Variants in STPG2 observed in about 807,000 individuals in gnomAD.
STPG2 encodes sperm tail PG-rich repeat containing 2, also known as sperm-tail PG-rich repeat-containing protein 2.
In STPG2, 56 loss-of-function variants were observed where a neutral mutation model predicts 54.2. The ratio of observed to expected loss-of-function variants is 1.03; its 90% CI spans 0.83 to 1.29. STPG2 has a LOEUF of 1.29. Among genes scored for constraint, STPG2 ranks in the 50% most tolerant of loss-of-function variants. The pLI is 0.00. For synonymous variants in STPG2, 200 were observed against 181.8 expected, an observed-to-expected ratio of 1.10 and a Z score of -0.81; for missense variants, 596 against 544.9, an observed-to-expected ratio of 1.09 and a Z score of -0.93.
At chr4:97,883,778 T>G (rs1425594517) in intron 8 of STPG2, among the ~76,000 whole-genome samples, 1 of 152,166 alleles carries the variant, frequency 6.6e-6, no homozygotes, top group South Asian at 2.1e-4. Context: ...CTAATACTCA[T>G]GTAATTGAAA....
chr4:97,483,325 T>C (rs1730271678), intron 4 of STPG2, among the ~76,000 whole-genome samples: 1 of 151,356 alleles, frequency 6.6e-6, no homozygotes, highest in Admixed American at 6.6e-5. Context: ...ATCTGCTGCC[T>C]TCAGGAGACT....
rs187295696 is a variant in STPG2, at chr4:97,788,860, C to T, written c.1204+51913G>A. ...TACAGAAATACAGACATGTTTTGTTCGATATATCCTTTGTATCTTTTTAGT... is the reference window on the plus strand; with the variant it reads ...TACAGAAATACAGACATGTTTTGTTTGATATATCCTTTGTATCTTTTTAGT... On this transcript the variant is annotated intron_variant, in intron 9 of 10. Coordinates refer to ENST00000295268, the MANE Select transcript of STPG2 (RefSeq NM_174952.3). 1.7e-3 allele frequency among the ~76,000 whole-genome samples: 251 copies of T among 151,898 alleles called. 1 individual carries two copies. Among genetic ancestry groups the T allele is most frequent in the African/African-American group, 5.8e-3 (239 of 41,452 alleles).
chr4:98,081,697 G>A (rs13121558), intron 5 of STPG2, among the ~76,000 whole-genome samples: 60,156 of 151,966 alleles, frequency 0.4, 12,144 homozygotes, highest in Middle Eastern at 0.47. Flanking sequence ...TTTGCCAGCA[G>A]GGCAAGATTC....
intron 8 of STPG2, among the ~76,000 whole-genome samples, chr4:97,922,211 T>A (rs1248047904): frequency 6.6e-6 from 1 of 152,178 alleles, no homozygotes; most frequent in South Asian, 2.1e-4. Context: ...ATTAGTTTTA[T>A]TACATCATTT....
At chr4:97,915,559 A>G (rs1414034177) in intron 8 of STPG2, among the ~76,000 whole-genome samples, 1 of 152,068 alleles carries the variant, frequency 6.6e-6, no homozygotes, top group African/African-American at 2.4e-5. Flanking sequence ...AGAGGAAGAG[A>G]AGAGACTGCC....
chr4:97,603,162 AT>A (rs1273496800), intron 10 of STPG2, among the ~76,000 whole-genome samples: 3 of 151,810 alleles, frequency 2.0e-5, no homozygotes, highest in Non-Finnish European at 3.0e-5. Flanking sequence ...AAAAACTTAA[AT>A]AGGTATTTCT....
At chr4:97,614,960 C>A (rs1443283909) in intron 10 of STPG2, among the ~76,000 whole-genome samples, 1 of 152,040 alleles carries the variant, frequency 6.6e-6, no homozygotes, top group Non-Finnish European at 1.5e-5. Flanking sequence ...TTTTTCCTTG[C>A]AAATTGATGT....
chr4:97,636,477 G>C (rs931671956), intron 10 of STPG2, among the ~76,000 whole-genome samples: 1,555 of 144,808 alleles, frequency 0.011, 16 homozygotes, highest in South Asian at 0.017. Flanking sequence ...CAGAAGGCAA[G>C]AAATAACTAA....
intron 9 of STPG2, among the ~76,000 whole-genome samples, chr4:97,801,212 C>T (rs1727384831): frequency 6.6e-6 from 1 of 152,122 alleles, no homozygotes; most frequent in South Asian, 2.1e-4. Context: ...CCAGCAAGCC[C>T]CAGTGAGATG....
chr4:97,982,409 C>CACAG (rs1303855488), intron 5 of STPG2, among the ~76,000 whole-genome samples: 1 of 151,584 alleles, frequency 6.6e-6, no homozygotes, highest in Non-Finnish European at 1.5e-5. Context: ...CACACACACA[C>CACAG]ACAGATTTTG....
chr4:97,684,961 T>C (rs1432893633), intron 10 of STPG2, among the ~76,000 whole-genome samples: 13 of 152,104 alleles, frequency 8.5e-5, no homozygotes, highest in African/African-American at 2.4e-5. Flanking sequence ...CAAGTAAGCA[T>C]ATAAAAAGAT....
At chr4:97,526,356 T>A (rs368979837) in intron 4 of STPG2, among the ~76,000 whole-genome samples, 5 of 152,246 alleles carry the variant, frequency 3.3e-5, no homozygotes, top group African/African-American at 1.2e-4. Flanking sequence ...AGAGGTAACA[T>A]TAACATTTAG....
At chr4:97,670,534 G>T (rs1332609241) in intron 10 of STPG2, among the ~76,000 whole-genome samples, 1 of 152,138 alleles carries the variant, frequency 6.6e-6, no homozygotes, top group Non-Finnish European at 1.5e-5. Context: ...AAGCATATAA[G>T]TAAAATGATG....
intron 10 of STPG2, among the ~76,000 whole-genome samples, chr4:97,640,263 A>T (rs1721721249): frequency 1.3e-5 from 2 of 152,098 alleles, no homozygotes; most frequent in Non-Finnish European, 2.9e-5. Context: ...TAAATTACTT[A>T]AAATGAAATC....
chr4:97,612,529 G>A (rs1487752266), intron 10 of STPG2, among the ~76,000 whole-genome samples: 1 of 152,068 alleles, frequency 6.6e-6, no homozygotes, highest in African/African-American at 2.4e-5. Context: ...AGCTTGTAGA[G>A]GGGAACAGAA....
intron 9 of STPG2, among the ~76,000 whole-genome samples, chr4:97,724,635 A>T (rs1724560824): frequency 6.6e-6 from 1 of 152,128 alleles, no homozygotes; most frequent in African/African-American, 2.4e-5. Flanking sequence ...TTGCTATATG[A>T]TGCTATAATC....
downstream of STPG2, among the ~76,000 whole-genome samples, chr4:97,557,465 GA>G (rs1315790095): frequency 6.6e-6 from 1 of 152,032 alleles, no homozygotes; most frequent in African/African-American, 2.4e-5. Flanking sequence ...ACAAAATAGT[GA>G]AAATAAAACA....
chr4:97,814,197 T>C (rs2149099228), intron 9 of STPG2, among the ~76,000 whole-genome samples: 1 of 152,340 alleles, frequency 6.6e-6, no homozygotes, highest in South Asian at 2.1e-4. Context: ...CTTTAGTGAC[T>C]TACATTATTA....
chr4:97,502,122 T>C (rs1347796787), intron 4 of STPG2, among the ~76,000 whole-genome samples: 1 of 151,902 alleles, frequency 6.6e-6, no homozygotes, highest in Non-Finnish European at 1.5e-5. Context: ...AACTACTTAT[T>C]AGAAACAGGA....
Sources: allele counts gnomAD v4.1 joint callset (sites outside exome capture counted in the v4.1 genomes callset), GRCh38; gene constraint gnomAD v4.1.1; transcripts MANE v1.5; gene names NCBI Gene and HGNC (gene_info 2026-07-23, HGNC 2026-07-21).